The following B3GALT1 variants were observed in gnomAD, a reference collection of about 807,000 sequenced individuals.
B3GALT1 encodes UDP-Gal:betaGlcNAc beta 1,3-galactosyltransferase, polypeptide 1.
B3GALT1 carries 10 observed loss-of-function variants against 23.2 expected under a neutral mutation model. The ratio of observed to expected loss-of-function variants is 0.43; its 90% confidence interval spans 0.27 to 0.73. The LOEUF (loss-of-function observed/expected upper bound fraction) is 0.73. B3GALT1 is among the 30% of genes least tolerant of loss of function. The pLI is 0.21. For missense variants in B3GALT1, 299 were observed against 405.4 expected, an observed-to-expected ratio of 0.74 and a Z score of 2.25; for synonymous variants, 156 against 141.5, an observed-to-expected ratio of 1.10 and a Z score of -0.73.
At chr2:167,467,333 C>T (rs532795627) in intron 1 of B3GALT1, among the ~76,000 whole-genome samples, 1 of 152,178 alleles carries the variant, frequency 6.6e-6, no homozygotes, top group Non-Finnish European at 1.5e-5. Context: ...GGGCCTCCCT[C>T]GAGCATTATT....
At chr2:167,689,455 G>A (rs546912289) in intron 3 of B3GALT1, among the ~76,000 whole-genome samples, 27 of 152,274 alleles carry the variant, frequency 1.8e-4, no homozygotes, top group Non-Finnish European at 2.8e-4. Flanking sequence ...AGGAGGAATA[G>A]TGGAACATCC....
chr2:167,429,563 G>A (rs1698677061), intron 1 of B3GALT1, among the ~76,000 whole-genome samples: 1 of 151,988 alleles, frequency 6.6e-6, no homozygotes, highest in Admixed American at 6.5e-5. Context: ...CTCAAATAGT[G>A]AAAATTTTTT....
chr2:167,666,779 CT>C (rs1377675790), intron 3 of B3GALT1, among the ~76,000 whole-genome samples: 2 of 151,866 alleles, frequency 1.3e-5, no homozygotes, highest in Non-Finnish European at 2.9e-5. Flanking sequence ...CAACCCCTGC[CT>C]TTTTTTGCTT....
At chr2:167,539,987 A>C (rs1683509831) in intron 2 of B3GALT1, among the ~76,000 whole-genome samples, 1 of 152,156 alleles carries the variant, frequency 6.6e-6, no homozygotes, top group South Asian at 2.1e-4. Context: ...TATGATTCAG[A>C]TTTTATTTAT....
At chr2:167,431,048 G>A (rs1263711267) in intron 1 of B3GALT1, among the ~76,000 whole-genome samples, 1 of 152,142 alleles carries the variant, frequency 6.6e-6, no homozygotes, top group Non-Finnish European at 1.5e-5. Flanking sequence ...GCATGAAACT[G>A]TAATGTCCTT....
At chr2:167,601,059 G>T (rs1053451855) in intron 2 of B3GALT1, among the ~76,000 whole-genome samples, 1 of 135,652 alleles carries the variant, frequency 7.4e-6, no homozygotes, top group African/African-American at 3.4e-5. Flanking sequence ...TCCTCCGTTT[G>T]TTTGTTTGTT....
intron 3 of B3GALT1, among the ~76,000 whole-genome samples, chr2:167,797,009 A>G (rs1460964177): frequency 6.6e-6 from 1 of 152,134 alleles, no homozygotes; most frequent in Admixed American, 6.5e-5. Context: ...GTACATGTGC[A>G]GGACGTGCAG....
At chr2:167,413,186 A>T (rs1698416956) in intron 1 of B3GALT1, among the ~76,000 whole-genome samples, 1 of 152,020 alleles carries the variant, frequency 6.6e-6, no homozygotes, top group Non-Finnish European at 1.5e-5. Context: ...AAAGCTGACA[A>T]GGAGAGAGAT....
intron 3 of B3GALT1, among the ~76,000 whole-genome samples, chr2:167,744,840 G>A (rs959396495): frequency 1.9e-4 from 29 of 151,918 alleles, no homozygotes; most frequent in Admixed American, 5.2e-4. Flanking sequence ...CGCCTGCCTC[G>A]GCCTCCCAAA....
At chr2:167,829,848 C>T (rs868564063) in intron 4 of B3GALT1, among the ~76,000 whole-genome samples, 3 of 151,980 alleles carry the variant, frequency 2.0e-5, no homozygotes, top group African/African-American at 4.8e-5. Context: ...CATAGCAGGG[C>T]GAGTGCTCCA....
At chr2:167,807,517 T>G (rs1235268560) in intron 3 of B3GALT1, among the ~76,000 whole-genome samples, 1 of 151,784 alleles carries the variant, frequency 6.6e-6, no homozygotes, top group Non-Finnish European at 1.5e-5. Flanking sequence ...ATGTTGTGTC[T>G]TTGTTCTCGT....
At chr2:167,318,339 A>C (rs1001414156) in intron 1 of B3GALT1, among the ~76,000 whole-genome samples, 2 of 152,044 alleles carry the variant, frequency 1.3e-5, no homozygotes, top group African/African-American at 4.8e-5. Flanking sequence ...AAACAAACAA[A>C]CAATTAAGCA....
intron 3 of B3GALT1, among the ~76,000 whole-genome samples, chr2:167,756,225 C>T (rs2105292335): frequency 6.6e-6 from 1 of 151,438 alleles, no homozygotes; most frequent in Non-Finnish European, 1.5e-5. Context: ...TTCTCTACTT[C>T]CAACTGCTAA....
intron 1 of B3GALT1, among the ~76,000 whole-genome samples, chr2:167,335,022 A>G (rs1362667847): frequency 2.0e-5 from 3 of 152,178 alleles, no homozygotes; most frequent in Admixed American, 6.5e-5. Flanking sequence ...TTGCTAAGGC[A>G]TTCATGCTTT....
rs190725864 is a variant in B3GALT1 at position 167,722,373 on chromosome 2, G to C, written c.-352+75407G>C. Among the ~76,000 whole-genome samples, 3 of 152,212 alleles carry C rather than the reference G, an allele frequency of 2.0e-5. No homozygotes were observed. The East Asian group carries it at 5.8e-4, about 29-fold the overall frequency. On this transcript the variant is annotated intron_variant, in intron 3 of 4. Coordinates refer to ENST00000392690, the MANE Select transcript of B3GALT1 (RefSeq NM_020981.4). ...CTGCTCTTCTCAAGCAAAGTCAAGA[G>C]GCTGCAATTACCCCAAGAGAAAGAC...
At chr2:167,600,123 A>G (rs1436564255) in intron 2 of B3GALT1, among the ~76,000 whole-genome samples, 1 of 152,142 alleles carries the variant, frequency 6.6e-6, no homozygotes, top group African/African-American at 2.4e-5. Flanking sequence ...AATCCCTAAA[A>G]AGAGGAAAAT....
intron 1 of B3GALT1, among the ~76,000 whole-genome samples, chr2:167,420,118 G>A (rs1483315453): frequency 6.6e-6 from 1 of 151,886 alleles, no homozygotes; most frequent in Non-Finnish European, 1.5e-5. Context: ...TTCATTTTGC[G>A]GCAGTCCAGA....
At chr2:167,391,703 C>G (rs1698016380) in intron 1 of B3GALT1, among the ~76,000 whole-genome samples, 1 of 152,056 alleles carries the variant, frequency 6.6e-6, no homozygotes. Context: ...TGTTGCTTGT[C>G]TATTAGAACT....
At chr2:167,676,088 C>G (rs1381946105) in intron 3 of B3GALT1, among the ~76,000 whole-genome samples, 1 of 152,000 alleles carries the variant, frequency 6.6e-6, no homozygotes, top group Admixed American at 6.6e-5. Flanking sequence ...CCACGCCCCT[C>G]CCGATGCAGG....
Sources: allele counts gnomAD v4.1 joint callset (sites outside exome capture counted in the v4.1 genomes callset), GRCh38; gene constraint gnomAD v4.1.1; transcripts MANE v1.5; gene names NCBI Gene and HGNC (gene_info 2026-07-23, HGNC 2026-07-21).